KLHL32: variants seen among roughly 807,000 people sequenced by gnomAD.
The protein encoded by KLHL32 is kelch like family member 32, also known as kelch-like protein 32.
KLHL32 carries 35 observed loss-of-function variants against 64.8 expected under a neutral mutation model. The observed-to-expected ratio is 0.54, with a 90% CI of 0.41 to 0.72. The LOEUF is 0.72. Ranked by LOEUF, KLHL32 falls within the 30% of genes least tolerant of loss-of-function variation. The pLI, the probability that KLHL32 is intolerant of heterozygous loss-of-function variation, is 0.00. For missense variants in KLHL32, 589 were observed against 768.5 expected (o/e 0.77, Z 2.76); for synonymous variants, 259 against 281.0 (o/e 0.92, Z 0.78).
chr6:97,009,736 G>A (rs1035906378), intron 3 of KLHL32, among the ~76,000 whole-genome samples: 1 of 152,170 alleles, frequency 6.6e-6, no homozygotes, highest in African/African-American at 2.4e-5. Flanking sequence ...TGTATTTCAT[G>A]CTCATACCTA....
chr6:96,914,573 G>T, the KLHL32 span: 2 of 152,220 alleles, frequency 1.3e-5, no homozygotes, highest in African/African-American at 4.8e-5. Context: ...TCATGAGGGA[G>T]AAGGGGGTTT....
At chr6:97,031,341 A>T (rs556215144) in intron 3 of KLHL32, among the ~76,000 whole-genome samples, 12 of 147,366 alleles carry the variant, frequency 8.1e-5, no homozygotes, top group Non-Finnish European at 1.2e-4. Flanking sequence ...AGTTTTTAAC[A>T]TTTTTTTTTT....
chr6:96,928,253 A>T (rs1769404657), intron 1 of KLHL32, among the ~76,000 whole-genome samples: 1 of 152,192 alleles, frequency 6.6e-6, no homozygotes, highest in Non-Finnish European at 1.5e-5. Context: ...GGGTATGATT[A>T]TATTAAATGA....
At chr6:97,008,444 A>G (rs1289258042) in intron 3 of KLHL32, among the ~76,000 whole-genome samples, 3 of 152,124 alleles carry the variant, frequency 2.0e-5, no homozygotes, top group African/African-American at 7.2e-5. Context: ...TGCTGTGTCC[A>G]GGTATGACAG....
chr6:96,970,691 C>T (rs1775012800), intron 2 of KLHL32, among the ~76,000 whole-genome samples: 1 of 152,128 alleles, frequency 6.6e-6, no homozygotes, highest in African/African-American at 2.4e-5. Context: ...GGAAACAAAA[C>T]TATTCATTCA....
rs113658192 is a variant in KLHL32, at chr6:96,975,402, A to G, written c.24-595A>G. Among the ~76,000 whole-genome samples, 313 of 152,228 alleles carry G rather than the reference A, an allele frequency of 2.1e-3. 2 individuals are homozygous for G. Among genetic ancestry groups the G allele is most frequent in the African/African-American group, 7.3e-3 (305 of 41,534 alleles). Reference sequence around the variant, plus strand: ...CCTTTTGATGTTCTTATGGTGCACAATTTCCGAAGTTTAATAATAAGCTTC... The same window carrying G: ...CCTTTTGATGTTCTTATGGTGCACAGTTTCCGAAGTTTAATAATAAGCTTC... On this transcript the variant is annotated intron_variant, in intron 2 of 10. Coordinates refer to ENST00000369261, the MANE Select transcript of KLHL32 (RefSeq NM_052904.4).
intron 10 of KLHL32, among the ~76,000 whole-genome samples, chr6:97,133,225 G>A (rs564175109): frequency 6.6e-6 from 1 of 152,330 alleles, no homozygotes; most frequent in South Asian, 2.1e-4. Flanking sequence ...GATAGGGACA[G>A]CCTCTGTCCC....
chr6:97,095,945 C>T (rs559283353), intron 6 of KLHL32, among the ~76,000 whole-genome samples: 32 of 152,228 alleles, frequency 2.1e-4, no homozygotes, highest in African/African-American at 7.7e-4. Flanking sequence ...AGTCCATTTA[C>T]ATGTAGGTAG....
chr6:97,117,742 G>A (rs976368286), intron 7 of KLHL32, among the ~76,000 whole-genome samples: 1 of 152,076 alleles, frequency 6.6e-6, no homozygotes, highest in African/African-American at 2.4e-5. Context: ...TAAAATATAT[G>A]CTCTCTGTTG....
At chr6:96,975,512 CAG>C (rs1336131220) in intron 2 of KLHL32, among the ~76,000 whole-genome samples, 2 of 152,116 alleles carry the variant, frequency 1.3e-5, no homozygotes, top group Non-Finnish European at 2.9e-5. Context: ...TATGTGTTAA[CAG>C]AGTCTTGTGT....
intron 3 of KLHL32, among the ~76,000 whole-genome samples, chr6:97,022,761 C>A (rs755899653): frequency 6.6e-5 from 10 of 152,170 alleles, no homozygotes; most frequent in African/African-American, 2.2e-4. Context: ...TGAGCCATGG[C>A]GCCCAGCCCT....
chr6:96,943,350 G>T (rs541171548), intron 1 of KLHL32, among the ~76,000 whole-genome samples: 1 of 151,090 alleles, frequency 6.6e-6, no homozygotes, highest in South Asian at 2.1e-4. Context: ...GACCTGTGCG[G>T]TAATATGATA....
At chr6:96,934,899 A>T (rs564633044) in intron 1 of KLHL32, among the ~76,000 whole-genome samples, 1 of 152,314 alleles carries the variant, frequency 6.6e-6, no homozygotes, top group Non-Finnish European at 1.5e-5. Context: ...GATAGTATGG[A>T]TATAGCACGA....
Position 97,101,135 on chromosome 6 carries a change from G to A in KLHL32, c.628-12648G>A, listed in dbSNP as rs183246933. On this transcript the variant is annotated intron_variant, in intron 6 of 10. Coordinates refer to ENST00000369261, the MANE Select transcript of KLHL32 (RefSeq NM_052904.4). ...GCTCATTATTCTTGAATCAATTCAT[G>A]AACAAATATTCAAAGGCCTAATGCT... is the stretch of plus-strand genomic sequence containing the variant. 7.2e-5 allele frequency among the ~76,000 whole-genome samples: 11 copies of A among 151,960 alleles called. No individual in the cohort carries two copies. In the East Asian group the frequency reaches 2.1e-3, roughly 29 times the overall value.
chr6:97,014,444 GCTA>G (rs1286894662), intron 3 of KLHL32, among the ~76,000 whole-genome samples: 3 of 151,888 alleles, frequency 2.0e-5, no homozygotes, highest in Non-Finnish European at 2.9e-5. Flanking sequence ...AAATATTAGG[GCTA>G]CTACTCAACA....
At chr6:96,985,825 C>T (rs1776972319) in intron 3 of KLHL32, among the ~76,000 whole-genome samples, 1 of 152,218 alleles carries the variant, frequency 6.6e-6, no homozygotes, top group South Asian at 2.1e-4. Context: ...CGAACTTCCT[C>T]CTTTAGCTCA....
intron 1 of KLHL32, among the ~76,000 whole-genome samples, chr6:96,931,302 A>AC (rs1283041226): frequency 6.6e-6 from 1 of 152,120 alleles, no homozygotes; most frequent in African/African-American, 2.4e-5. Flanking sequence ...ATTTCTGATG[A>AC]CCCAGGAGTG....
intron 3 of KLHL32, among the ~76,000 whole-genome samples, chr6:97,023,214 A>T (rs1255646884): frequency 6.7e-6 from 1 of 150,316 alleles, no homozygotes; most frequent in African/African-American, 2.5e-5. Flanking sequence ...TAGAAATTGT[A>T]AAGACAAAAA....
chr6:96,904,041 A>G, the KLHL32 span, among the ~76,000 whole-genome samples: 4 of 152,330 alleles, frequency 2.6e-5, no homozygotes, highest in South Asian at 8.3e-4. Flanking sequence ...CCCATCAGTT[A>G]GAAAACATAA....
Sources: allele counts gnomAD v4.1 joint callset (sites outside exome capture counted in the v4.1 genomes callset), GRCh38; gene constraint gnomAD v4.1.1; transcripts MANE v1.5; gene names NCBI Gene and HGNC (gene_info 2026-07-23, HGNC 2026-07-21).